The following PARP8 variants were observed in gnomAD, a reference collection of about 807,000 sequenced individuals.
PARP8 encodes the protein protein mono-ADP-ribosyltransferase PARP8.
Under a neutral mutation model 124.1 loss-of-function variants are expected in PARP8, and 51 were observed. That is an observed-to-expected ratio of 0.41 (90% CI 0.33 to 0.52). The LOEUF (loss-of-function observed/expected upper bound fraction) is 0.52, where lower values mean the gene tolerates loss of function less well. Ranked by LOEUF, PARP8 falls within the 20% of genes least tolerant of loss-of-function variation. The pLI is 0.21. For synonymous variants in PARP8, 391 were observed against 361.5 expected, an observed-to-expected ratio of 1.08 and a Z score of -0.93; for missense variants, 860 against 1,018.9, an observed-to-expected ratio of 0.84 and a Z score of 2.12.
chr5:50,669,011 A>C (rs1749691339), intron 2 of PARP8: 1 of 152,242 alleles, frequency 6.6e-6, no homozygotes, highest in Non-Finnish European at 1.5e-5. Flanking sequence ...TAAACATATA[A>C]ATTGCAAAAG....
chr5:50,762,918 T>G (rs1443490835), intron 6 of PARP8, among the ~76,000 whole-genome samples: 1 of 152,256 alleles, frequency 6.6e-6, no homozygotes, highest in East Asian at 1.9e-4. Flanking sequence ...TTTACTTCAC[T>G]AGTTTTTTAC....
intron 22 of PARP8, among the ~76,000 whole-genome samples, 192 bp downstream of exon 22, chr5:50,830,153 G>A (rs970448278): frequency 4.0e-5 from 6 of 151,814 alleles, no homozygotes; most frequent in African/African-American, 1.5e-4. Flanking sequence ...TGTACAAGAT[G>A]GAATATATGT....
chr5:50,839,893 G>A (rs1561455393), intron 25 of PARP8, among the ~76,000 whole-genome samples: 1 of 151,898 alleles, frequency 6.6e-6, no homozygotes, highest in Non-Finnish European at 1.5e-5. Context: ...GAGTGATGGG[G>A]GAGTGATGGG....
At chr5:50,738,633 C>A (rs567861596) in intron 2 of PARP8, among the ~76,000 whole-genome samples, 1 of 150,788 alleles carries the variant, frequency 6.6e-6, no homozygotes, top group South Asian at 2.1e-4. Flanking sequence ...GGTGTCTAAT[C>A]TTTTGGCTTC....
chr5:50,691,030 A>G (rs778746701), intron 2 of PARP8, among the ~76,000 whole-genome samples: 1 of 152,144 alleles, frequency 6.6e-6, no homozygotes, highest in Non-Finnish European at 1.5e-5. Flanking sequence ...CAACCCTAAC[A>G]TGTCCTCATC....
chr5:50,744,064 C>T (rs1758303723), intron 2 of PARP8, among the ~76,000 whole-genome samples: 2 of 152,122 alleles, frequency 1.3e-5, no homozygotes, highest in Admixed American at 1.3e-4. Flanking sequence ...ACTGAGGATC[C>T]AGGAGTTTGA....
chr5:50,721,971 A>G (rs1755937168), intron 2 of PARP8, among the ~76,000 whole-genome samples: 1 of 152,108 alleles, frequency 6.6e-6, no homozygotes, highest in African/African-American at 2.4e-5. Flanking sequence ...AAAATGTCGT[A>G]GCTTTGTAAT....
intron 9 of PARP8, among the ~76,000 whole-genome samples, chr5:50,781,001 T>C (rs546136993): frequency 6.0e-4 from 92 of 152,302 alleles, no homozygotes; most frequent in African/African-American, 2.2e-3. Flanking sequence ...GAGTCTTAAT[T>C]CACCTCAAGT....
chr5:50,734,139 G>A (rs1757254663), intron 2 of PARP8, among the ~76,000 whole-genome samples: 1 of 152,098 alleles, frequency 6.6e-6, no homozygotes, highest in African/African-American at 2.4e-5. Flanking sequence ...TTAACATTGA[G>A]CTCCATCTTC....
At chr5:50,712,830 G>T (rs567162600) in intron 2 of PARP8, among the ~76,000 whole-genome samples, 1 of 152,050 alleles carries the variant, frequency 6.6e-6, no homozygotes, top group East Asian at 1.9e-4. Flanking sequence ...AGGAAAGAAG[G>T]AGGAACAAGG....
At chr5:50,812,352 A>G (rs1744553963) in intron 14 of PARP8, among the ~76,000 whole-genome samples, 1 of 152,136 alleles carries the variant, frequency 6.6e-6, no homozygotes, top group African/African-American at 2.4e-5. Context: ...AGTGATGATG[A>G]GCATTTTTTC....
At chr5:50,719,958 G>A (rs1246551824) in intron 2 of PARP8, among the ~76,000 whole-genome samples, 1 of 151,894 alleles carries the variant, frequency 6.6e-6, no homozygotes, top group African/African-American at 2.4e-5. Flanking sequence ...AACCTGTAGT[G>A]TCTTGTCAGG....
chr5:50,756,472 TAAGC>T (rs1199134558), intron 3 of PARP8, among the ~76,000 whole-genome samples: 1 of 152,138 alleles, frequency 6.6e-6, no homozygotes, highest in South Asian at 2.1e-4. Context: ...TAGAAGTAAT[TAAGC>T]AAGAACAAAA....
chr5:50,834,855 G>A lies in PARP8; in HGVS notation c.2378-76G>A, dbSNP rs113038131. The A allele has an allele frequency of 1.6e-5, 20 of 1,233,546 alleles. No homozygotes were observed. In the African/African-American group the frequency reaches 1.9e-4, roughly 12 times the overall value. The allele number at this position is 1,233,546 out of a possible 1,614,324, so 76.4% of individuals were successfully genotyped here. A position where few individuals can be genotyped will look rare whatever the true frequency, so the allele number is the denominator to read the frequency against. Reference sequence around the variant, plus strand: ...TTTTTGCTTTAGATTTCAACGAGAAGAGATATATTAAGTCGGAATGGACTA... The same window carrying A: ...TTTTTGCTTTAGATTTCAACGAGAAAAGATATATTAAGTCGGAATGGACTA... On this transcript the variant is annotated intron_variant, in intron 24 of 25. Transcript: ENST00000281631.
chr5:50,773,421 A>T (rs1298151164), intron 7 of PARP8, among the ~76,000 whole-genome samples: 1 of 152,178 alleles, frequency 6.6e-6, no homozygotes, highest in African/African-American at 2.4e-5. Flanking sequence ...CCATTTATTG[A>T]AGAGACTGCT....
intron 2 of PARP8, among the ~76,000 whole-genome samples, chr5:50,698,427 T>C (rs1330548738): frequency 1.3e-5 from 2 of 152,200 alleles, no homozygotes; most frequent in Non-Finnish European, 2.9e-5. Context: ...TGAATTTCTC[T>C]CCCAGCAGGT....
At position 50,778,062 on chromosome 5, in the gene PARP8, C is replaced by T. The variant is rs371730211; in HGVS notation, c.519-7C>T. Reference sequence around the variant, plus strand: ...ATGAAAAAAACAGTGTTAATTTTTGCTTTCAGGGAATATGGAGCCATTGAT... The same window carrying T: ...ATGAAAAAAACAGTGTTAATTTTTGTTTTCAGGGAATATGGAGCCATTGAT... On this transcript the variant is annotated splice_region_variant and splice_polypyrimidine_tract_variant and intron_variant, in intron 7 of 25. Transcript: ENST00000281631. The T allele has an allele frequency of 6.3e-7, 1 of 1,598,982 alleles. No homozygotes were observed. Among genetic ancestry groups the T allele is most frequent in the Non-Finnish European group, 8.5e-7 (1 of 1,174,006 alleles).
At chr5:50,686,583 C>A (rs946443864) in intron 2 of PARP8, among the ~76,000 whole-genome samples, 1 of 152,236 alleles carries the variant, frequency 6.6e-6, no homozygotes, top group Admixed American at 6.5e-5. Flanking sequence ...CCCACATTTC[C>A]CTTCCACACT....
intron 2 of PARP8, among the ~76,000 whole-genome samples, chr5:50,699,439 C>T (rs1026390447): frequency 1.3e-5 from 2 of 152,190 alleles, no homozygotes; most frequent in Non-Finnish European, 2.9e-5. Flanking sequence ...GTAACACTTT[C>T]ATATGTTTTT....
Sources: allele counts gnomAD v4.1 joint callset (sites outside exome capture counted in the v4.1 genomes callset), GRCh38; gene constraint gnomAD v4.1.1; transcripts MANE v1.5; gene names NCBI Gene and HGNC (gene_info 2026-07-23, HGNC 2026-07-21).